Variants in BLOC1S5 observed in about 807,000 individuals in gnomAD.
The protein encoded by BLOC1S5 is biogenesis of lysosomal organelles complex 1 subunit 5.
A neutral mutation model predicts 24.3 loss-of-function variants in BLOC1S5; 27 were observed. The observed-to-expected ratio is 1.11, with a 90% CI of 0.82 to 1.53. The LOEUF is 1.53. BLOC1S5 is among the 40% of genes most tolerant of loss of function. The pLI is 0.00. For missense variants in BLOC1S5, 239 were observed against 229.4 expected (o/e 1.04, Z -0.27); for synonymous variants, 84 against 74.5 (o/e 1.13, Z -0.66).
In BLOC1S5 at chr6:8,015,311, T is replaced by C. The variant is rs766969512; in HGVS notation, c.*338A>G. ...ATTGTTAACCCTGTATAGAAATGAA[T>C]GAAATTATCTTTCTAAGAAGTCTAT... On this transcript the variant is annotated 3_prime_UTR_variant, in exon 5 of 5. Coordinates refer to ENST00000397457, the MANE Select transcript of BLOC1S5 (RefSeq NM_201280.3). 36 of 200,554 alleles carry C rather than the reference T, an allele frequency of 1.8e-4. No individual in the cohort carries two copies. Among genetic ancestry groups the C allele is most frequent in the Non-Finnish European group, 4.0e-5 (4 of 99,094 alleles). 12.4% of individuals were successfully genotyped at this position (200,554 alleles called of 1,614,324 possible). A position where few individuals can be genotyped will look rare whatever the true frequency, so the allele number is the denominator to read the frequency against.
At chr6:8,015,876 T>C in intron 4 of BLOC1S5, 48 bp from the exon 5 acceptor site, 1 of 1,507,260 alleles carries the variant, frequency 6.6e-7, no homozygotes, top group Non-Finnish European at 9.0e-7. Context: ...CAGACAATTA[T>C]TTCATAACGT....
chr6:8,041,664 T>TTTTTTTTTTTTTGA (rs1763694145), intron 2 of BLOC1S5, among the ~76,000 whole-genome samples: 1 of 135,420 alleles, frequency 7.4e-6, no homozygotes, highest in African/African-American at 2.5e-5. Context: ...TCTTTTTTTT[T>TTTTTTTTTTTTTGA]GAGATGCAGT....
intron 1 of BLOC1S5, among the ~76,000 whole-genome samples, chr6:8,062,892 G>A (rs1757315430): frequency 6.6e-6 from 1 of 152,008 alleles, no homozygotes; most frequent in Admixed American, 6.6e-5. Context: ...AATGAGTAAG[G>A]CCATTTATAC....
intron 1 of BLOC1S5, among the ~76,000 whole-genome samples, chr6:8,063,816 C>T (rs1757343862): frequency 6.6e-6 from 1 of 152,166 alleles, no homozygotes; most frequent in Non-Finnish European, 1.5e-5. Context: ...CTATAGAGCG[C>T]CTTCGTAAGT....
chr6:8,052,628 C>T (rs1214613208), intron 2 of BLOC1S5, among the ~76,000 whole-genome samples: 2 of 150,896 alleles, frequency 1.3e-5, no homozygotes, highest in Non-Finnish European at 3.0e-5. Context: ...TGCGGTGGCT[C>T]ACGCCTGTAA....
intron 3 of BLOC1S5, among the ~76,000 whole-genome samples, chr6:8,028,364 T>TAAA (rs200405748): frequency 0.038 from 5,601 of 146,048 alleles, 331 homozygotes; most frequent in African/African-American, 0.13. Flanking sequence ...AGAAAATATT[T>TAAA]AAAAAAAAAA....
intron 3 of BLOC1S5, among the ~76,000 whole-genome samples, chr6:8,029,591 C>G (rs1763228092): frequency 6.6e-6 from 1 of 152,214 alleles, no homozygotes; most frequent in African/African-American, 2.4e-5. Flanking sequence ...AAACTCTGCT[C>G]TGTAACTCAG....
chr6:8,030,645 G>A (rs1763264106), intron 3 of BLOC1S5, among the ~76,000 whole-genome samples: 1 of 151,048 alleles, frequency 6.6e-6, no homozygotes, highest in Non-Finnish European at 1.5e-5. Context: ...GCCAAGGCGG[G>A]TGGATCACTT....
chr6:8,055,363 A>C (rs1395460095), intron 2 of BLOC1S5, among the ~76,000 whole-genome samples: 1 of 152,222 alleles, frequency 6.6e-6, no homozygotes, highest in East Asian at 1.9e-4. Context: ...GGAACCCAGA[A>C]GGTGGAGGTT....
chr6:8,018,013 T>A (rs145408994), intron 4 of BLOC1S5: 2 of 152,244 alleles, frequency 1.3e-5, no homozygotes, highest in Non-Finnish European at 1.5e-5. Context: ...TTCTTTCCAA[T>A]TGAAAATTCT....
chr6:8,017,385 A>AACAAACACAC (rs148966945), intron 4 of BLOC1S5, among the ~76,000 whole-genome samples: 1 of 149,520 alleles, frequency 6.7e-6, no homozygotes, highest in Non-Finnish European at 1.5e-5. Flanking sequence ...CTCAAAAACA[A>AACAAACACAC]ACACACACAC....
chr6:8,019,559 G>T (rs549035056), intron 4 of BLOC1S5, among the ~76,000 whole-genome samples: 2 of 149,134 alleles, frequency 1.3e-5, no homozygotes, highest in African/African-American at 4.9e-5. Flanking sequence ...ATGAGCCACC[G>T]GCGCCCGGCC....
chr6:8,037,576 T>C (rs1464776990), intron 3 of BLOC1S5, among the ~76,000 whole-genome samples: 2 of 152,178 alleles, frequency 1.3e-5, no homozygotes, highest in African/African-American at 4.8e-5. Flanking sequence ...ATGCAATCCC[T>C]ATCAAAATAC....
intron 3 of BLOC1S5, among the ~76,000 whole-genome samples, chr6:8,029,778 A>C (rs781655457): frequency 3.3e-5 from 5 of 151,416 alleles, no homozygotes; most frequent in African/African-American, 7.4e-5. Flanking sequence ...ACTAGAACTA[A>C]GGCAGACTTG....
At chr6:8,050,007 C>T (rs188735770) in intron 2 of BLOC1S5, among the ~76,000 whole-genome samples, 18 of 152,190 alleles carry the variant, frequency 1.2e-4, no homozygotes, top group African/African-American at 3.4e-4. Context: ...CCACTGTGTC[C>T]GGTGGATGTA....
intron 3 of BLOC1S5, chr6:8,027,369 C>A (rs756558009): frequency 4.4e-6 from 2 of 456,676 alleles, no homozygotes; most frequent in Non-Finnish European, 8.8e-6. Context: ...TCTTGTTGGT[C>A]CTCCTATCTC....
At chr6:8,018,555 C>A (rs1019380140) in intron 4 of BLOC1S5, among the ~76,000 whole-genome samples, 1 of 152,200 alleles carries the variant, frequency 6.6e-6, no homozygotes, top group Non-Finnish European at 1.5e-5. Context: ...AAAAACGGAG[C>A]TTTGGCAGGC....
intron 2 of BLOC1S5, 43 bp from the exon 3 acceptor site, chr6:8,041,311 C>CTTTTTTTTTT: frequency 1.3e-6 from 1 of 771,492 alleles, no homozygotes; most frequent in African/African-American, 4.8e-5. Flanking sequence ...GGTGTCTTTT[C>CTTTTTTTTTT]CTTTTTTTTT....
At chr6:8,020,470 C>T (rs1488610582) in intron 4 of BLOC1S5, among the ~76,000 whole-genome samples, 1 of 152,224 alleles carries the variant, frequency 6.6e-6, no homozygotes, top group Non-Finnish European at 1.5e-5. Context: ...AGTTCTTCTC[C>T]CCCAAAACAC....
Sources: allele counts gnomAD v4.1 joint callset (sites outside exome capture counted in the v4.1 genomes callset), GRCh38; gene constraint gnomAD v4.1.1; transcripts MANE v1.5; gene names NCBI Gene and HGNC (gene_info 2026-07-23, HGNC 2026-07-21).